PHGDH: variants seen among roughly 807,000 people sequenced by gnomAD.
PHGDH encodes D-3-phosphoglycerate dehydrogenase.
Under a neutral mutation model 52.6 loss-of-function variants are expected in PHGDH, and 50 were observed. The observed-to-expected ratio is 0.95, with a 90% CI of 0.76 to 1.20. The LOEUF (loss-of-function observed/expected upper bound fraction) is 1.20, where lower values mean the gene tolerates loss of function less well. Ranked by LOEUF, PHGDH falls within the 50% of genes most tolerant of loss-of-function variation. The pLI, the probability that PHGDH is intolerant of heterozygous loss-of-function variation, is 0.00. For synonymous variants in PHGDH, 271 were observed against 280.5 expected, an observed-to-expected ratio of 0.97 and a Z score of 0.34; for missense variants, 630 against 684.6, an observed-to-expected ratio of 0.92 and a Z score of 0.89.
intron 1 of PHGDH, among the ~76,000 whole-genome samples, chr1:119,718,296 CT>C (rs1651015251): frequency 6.6e-6 from 1 of 152,198 alleles, no homozygotes; most frequent in Non-Finnish European, 1.5e-5. Context: ...AGCAAGTTCT[CT>C]AAATTCTTTA....
chr1:119,713,161 C>T (rs1166232885), intron 1 of PHGDH: 1 of 152,490 alleles, frequency 6.6e-6, no homozygotes, highest in Non-Finnish European at 1.5e-5. Flanking sequence ...TGCCCAGTCT[C>T]TACCTCACCT....
Position 119,727,116 on chromosome 1 carries a change from G to A in PHGDH, c.510+14G>A, listed in dbSNP as rs763333293. On this transcript the variant is annotated intron_variant, in intron 5 of 11. Transcript: ENST00000641023. Reference sequence around the variant, plus strand: ...TTTGGGATGAAGGTAAGATGTTGCTGGAACCCTGTGATGTGGGACTTTCTG... The same window carrying A: ...TTTGGGATGAAGGTAAGATGTTGCTAGAACCCTGTGATGTGGGACTTTCTG... The A allele has an allele frequency of 1.4e-5, 21 of 1,485,886 alleles. No individual in the cohort carries two copies. Among genetic ancestry groups the A allele is most frequent in the African/African-American group, 1.1e-4 (8 of 72,494 alleles). The allele number at this position is 1,485,886 out of a possible 1,614,324, so 92.0% of individuals were successfully genotyped here.
intron 5 of PHGDH, 25 bp from the exon 6 acceptor site, chr1:119,734,609 C>T (rs1651850333): frequency 1.9e-6 from 3 of 1,611,280 alleles, no homozygotes; most frequent in South Asian, 2.2e-5. Flanking sequence ...ATGACACTTC[C>T]TCCCTCTCTC....
At position 119,743,886 on chromosome 1, in the gene PHGDH, G is replaced by C. The variant is rs1032197642; in HGVS notation, c.1448G>C (p.Gly483Ala). Residue 483 changes from glycine (G) to alanine (A), a missense_variant and splice_region_variant, in exon 12 of 12, where the codon GGC (glycine) becomes GCC (alanine). Coordinates refer to ENST00000641023, the MANE Select transcript of PHGDH (RefSeq NM_006623.4). ...AACCAGGAGTTTCTTCTATTTCCAG[G>C]CCTCCTGGCAGAGGCAGGCGTGCGG... ...SDPAMLPTMI[G>A]LLAEAGVRLL... The C allele has an allele frequency of 1.2e-6, 2 of 1,613,016 alleles. No homozygotes were observed. The highest frequency in any genetic ancestry group is 1.7e-5 in the Admixed American group (1 of 60,008).
At chr1:119,733,998 G>A (rs1651818275) in intron 5 of PHGDH, among the ~76,000 whole-genome samples, 1 of 152,176 alleles carries the variant, frequency 6.6e-6, no homozygotes, top group South Asian at 2.1e-4. Context: ...ACTGGGGGAG[G>A]ACACAGGTCA....
At chr1:119,737,401 G>A in intron 8 of PHGDH, 135 bp downstream of exon 8, 1 of 775,456 alleles carries the variant, frequency 1.3e-6, no homozygotes, top group South Asian at 1.7e-5. Flanking sequence ...ATCTGCTTGA[G>A]TCAGCACTCT....
intron 5 of PHGDH, 32 bp from the exon 6 acceptor site, chr1:119,734,602 A>G (rs746417763): frequency 1.9e-5 from 31 of 1,607,352 alleles, no homozygotes; most frequent in Non-Finnish European, 2.5e-5. Flanking sequence ...ATTAAGAATG[A>G]CACTTCCTCC....
Position 119,735,349 on chromosome 1 carries a change from A to T in PHGDH, c.698A>T (p.Asn233Ile). Residue 233 changes from asparagine (N) to isoleucine (I), a missense_variant, in exon 7 of 12, where the codon AAC (asparagine) becomes ATC (isoleucine). Coordinates refer to ENST00000641023, the MANE Select transcript of PHGDH (RefSeq NM_006623.4). The stretch of plus-strand genomic sequence containing the variant: ...TGCAAGAAGGGGGTGCGTGTGGTGA[A>T]CTGTGCCCGTGGAGGGATCGTGGAC... ...AQCKKGVRVV[N>I]CARGGIVDEG... 6.2e-7 allele frequency: 1 copy of T among 1,614,178 alleles called. No homozygotes were observed. Among genetic ancestry groups the T allele is most frequent in the East Asian group, 2.2e-5 (1 of 44,876 alleles).
chr1:119,723,596 G>C, intron 3 of PHGDH, 155 bp downstream of exon 3: 1 of 700,824 alleles, frequency 1.4e-6, no homozygotes, highest in Middle Eastern at 2.3e-4. Context: ...GAACCTTTAA[G>C]GCCATCAGGT....
chr1:119,718,290 AGT>A (rs1651014945), intron 1 of PHGDH, among the ~76,000 whole-genome samples: 1 of 152,218 alleles, frequency 6.6e-6, no homozygotes, highest in Non-Finnish European at 1.5e-5. Context: ...GACTTCAGCA[AGT>A]TCTCTAAATT....
chr1:119,740,859 T>C (rs1400326005), intron 9 of PHGDH, among the ~76,000 whole-genome samples: 1 of 152,104 alleles, frequency 6.6e-6, no homozygotes, highest in Non-Finnish European at 1.5e-5. Flanking sequence ...AGCAACAGGA[T>C]GCTGGATTCT....
intron 3 of PHGDH, 96 bp downstream of exon 3, chr1:119,723,537 C>T (rs778684011): frequency 7.0e-5 from 68 of 975,108 alleles, no homozygotes; most frequent in South Asian, 4.6e-4. Context: ...AGAAACATTT[C>T]GTCTCAGCGA....
At position 119,712,050 on chromosome 1, in the gene PHGDH, C is replaced by T. The variant is rs1231085888; in HGVS notation, c.28C>T (p.Leu10Phe). Residue 10 changes from leucine to phenylalanine, a missense_variant, in exon 1 of 12, where the codon CTC (leucine) becomes TTC (phenylalanine). Leu to Phe is a conservative substitution (Grantham distance 22). Transcript: ENST00000641023. ...GGCTTTTGCAAATCTGCGGAAAGTGCTCATCAGTGACAGCCTGGACCCTTG... is the reference window on the plus strand; with the variant it reads ...GGCTTTTGCAAATCTGCGGAAAGTGTTCATCAGTGACAGCCTGGACCCTTG... MAFANLRKVLISDSLDPCCR... is the reference protein window; with the variant it reads MAFANLRKVFISDSLDPCCR... 1 of 1,614,186 alleles carries T rather than the reference C, an allele frequency of 6.2e-7. No individual in the cohort carries two copies. Among genetic ancestry groups the T allele is most frequent in the Non-Finnish European group, 8.5e-7 (1 of 1,180,022 alleles).
chr1:119,739,549 A>C (rs970264991), intron 8 of PHGDH: 8 of 152,188 alleles, frequency 5.3e-5, no homozygotes, highest in African/African-American at 1.9e-4. Flanking sequence ...AAATTCTTCC[A>C]ATGATATCTT....
At chr1:119,732,309 C>G (rs1406311955) in intron 5 of PHGDH, among the ~76,000 whole-genome samples, 1 of 152,220 alleles carries the variant, frequency 6.6e-6, no homozygotes, top group Non-Finnish European at 1.5e-5. Context: ...GAAAGTGAGG[C>G]TTCCTCTGTT....
rs749416226 is a variant in PHGDH, at chr1:119,721,329, A to G, written c.290+8A>G. Reference sequence around the variant, plus strand: ...GGGCATCTTGGTTATGAAGTAAGTCATGGAGGCTGCGGGCGGTTTGGGGGT... The same window carrying G: ...GGGCATCTTGGTTATGAAGTAAGTCGTGGAGGCTGCGGGCGGTTTGGGGGT... On this transcript the variant is annotated splice_region_variant and intron_variant, in intron 2 of 11. Coordinates refer to ENST00000641023, the MANE Select transcript of PHGDH (RefSeq NM_006623.4). 5 of 1,612,534 alleles carry G rather than the reference A, an allele frequency of 3.1e-6. No homozygotes were observed. Among genetic ancestry groups the G allele is most frequent in the South Asian group, 1.1e-5 (1 of 91,050 alleles).
In PHGDH at chr1:119,740,464, C is replaced by A. The variant is rs1416033860; in HGVS notation, c.1024C>A (p.Leu342Met). 15 of 1,608,518 alleles carry A rather than the reference C, an allele frequency of 9.3e-6. No homozygotes were observed. The highest frequency in any genetic ancestry group is 1.3e-5 in the Non-Finnish European group (15 of 1,177,438). Reference protein sequence around the residue: ...WIGLAEALGTLMRAWAGSPKG... With the variant: ...WIGLAEALGTMMRAWAGSPKG... Reference sequence around the variant, plus strand: ...TGGTCTGGCAGAAGCTCTGGGGACACTGATGCGAGCCTGGGCTGGGTCCCC... The same window carrying A: ...TGGTCTGGCAGAAGCTCTGGGGACAATGATGCGAGCCTGGGCTGGGTCCCC... The change falls in exon 9 of 12, where the codon CTG becomes ATG. Residue 342 changes from leucine (L) to methionine (M), a missense_variant. Physicochemically the swap from Leu to Met is conservative, Grantham distance 15 (BLOSUM62 2). Transcript: ENST00000641023.
At chr1:119,729,650 A>G (rs1345414123) in intron 5 of PHGDH, 1 of 152,188 alleles carries the variant, frequency 6.6e-6, no homozygotes, top group East Asian at 1.9e-4. Flanking sequence ...TTGTCTGTCC[A>G]TCTGGCACTG....
Position 119,721,255 on chromosome 1 carries a change from G to A in PHGDH, c.224G>A (p.Arg75Lys), listed in dbSNP as rs1326521810. 1 of 1,614,212 alleles carries A rather than the reference G, an allele frequency of 6.2e-7. No individual in the cohort carries two copies. Reference sequence around the variant, plus strand: ...GCTGAGAAACTCCAGGTGGTGGGCAGGGCTGGCACAGGTGTGGACAATGTG... The same window carrying A: ...GCTGAGAAACTCCAGGTGGTGGGCAAGGCTGGCACAGGTGTGGACAATGTG... ...NAAEKLQVVGRAGTGVDNVDL... is the reference protein window; with the variant it reads ...NAAEKLQVVGKAGTGVDNVDL... The change falls in exon 2 of 12, where the codon AGG (arginine) becomes AAG (lysine). Residue 75 changes from arginine (R) to lysine (K), a missense_variant. Coordinates refer to ENST00000641023, the MANE Select transcript of PHGDH (RefSeq NM_006623.4).
Sources: gnomAD v4.1 joint callset for allele counts (sites outside exome capture counted in the v4.1 genomes callset) on GRCh38, gnomAD v4.1.1 for gene constraint, MANE v1.5 for transcripts, NCBI Gene and HGNC (gene_info 2026-07-23, HGNC 2026-07-21) for gene names.